The following UNC79 variants were observed in gnomAD, a reference collection of about 807,000 sequenced individuals.
UNC79 encodes protein unc-79 homolog.
A neutral mutation model predicts 283.1 loss-of-function variants in UNC79; 37 were observed. That is an observed-to-expected ratio of 0.13 (90% CI 0.10 to 0.17). UNC79 has a LOEUF of 0.17. Among genes scored for constraint, UNC79 ranks in the 10% least tolerant of loss-of-function variants. The pLI is 1.00. For missense variants in UNC79, 2,272 were observed against 3,211.1 expected (o/e 0.71, Z 7.07); for synonymous variants, 1,107 against 1,200.2 (o/e 0.92, Z 1.61).
At chr14:93,664,381 T>C (rs1372826394) in intron 40 of UNC79, among the ~76,000 whole-genome samples, 1 of 152,108 alleles carries the variant, frequency 6.6e-6, no homozygotes, top group Non-Finnish European at 1.5e-5. Context: ...GGGGCAAAAA[T>C]GAAGCGGGAT....
At position 93,474,200 on chromosome 14, in the gene UNC79, G is replaced by A. The variant is rs973599385; in HGVS notation, c.255G>A (p.Pro85=). Reference sequence around the variant, plus strand: ...TCCCACTCACCCCATCTCTAAGACCGCAGGTCAGTTCCATCAACCCTACTG... The same window carrying A: ...TCCCACTCACCCCATCTCTAAGACCACAGGTCAGTTCCATCAACCCTACTG... Residue 85 remains proline (P), a synonymous_variant, in exon 3 of 49, where the codon CCG becomes CCA. Transcript: ENST00000555664. This position sits in a 1 kb window ranked among gnomAD's most constrained non-coding sequence, Gnocchi z 4.1. 50 of 1,535,960 alleles carry A rather than the reference G, an allele frequency of 3.3e-5. No individual in the cohort carries two copies. In the East Asian group the frequency reaches 4.4e-4, roughly 14 times the overall value.
chr14:93,432,438 A>T (rs2055916399), intron 1 of UNC79, among the ~76,000 whole-genome samples: 3 of 152,136 alleles, frequency 2.0e-5, no homozygotes, highest in Admixed American at 6.5e-5. Context: ...AATCATGCTG[A>T]TGGGGTTGTT....
chr14:93,503,566 T>C (rs2059396019), intron 7 of UNC79, among the ~76,000 whole-genome samples: 3 of 152,088 alleles, frequency 2.0e-5, no homozygotes, highest in South Asian at 2.1e-4. Context: ...TGGTTATTAT[T>C]TGTTTTGATG....
chr14:93,574,458 A>G (rs552648124), intron 16 of UNC79, among the ~76,000 whole-genome samples: 3 of 152,368 alleles, frequency 2.0e-5, no homozygotes, highest in African/African-American at 7.2e-5. Context: ...CTTTCTGCGT[A>G]CTTCCTTTCT....
chr14:93,492,934 G>A (rs1417284547), intron 5 of UNC79, among the ~76,000 whole-genome samples: 1 of 152,182 alleles, frequency 6.6e-6, no homozygotes, highest in Non-Finnish European at 1.5e-5. Context: ...GGGGCTCCAT[G>A]GTTAGTGACA....
At chr14:93,702,612 G>A (rs539235664) in intron 47 of UNC79, among the ~76,000 whole-genome samples, 26 of 152,256 alleles carry the variant, frequency 1.7e-4, no homozygotes, top group Non-Finnish European at 3.2e-4. Context: ...GCAGCTTATG[G>A]CTATGACTAA....
At chr14:93,651,124 T>C (rs1362018845) in intron 35 of UNC79, among the ~76,000 whole-genome samples, 1 of 152,220 alleles carries the variant, frequency 6.6e-6, no homozygotes, top group East Asian at 1.9e-4. Flanking sequence ...CTCTATTCTG[T>C]TCCATTGATC....
intron 33 of UNC79, among the ~76,000 whole-genome samples, chr14:93,642,264 A>C (rs1240094464): frequency 6.6e-6 from 1 of 151,844 alleles, no homozygotes; most frequent in Non-Finnish European, 1.5e-5. Context: ...CTCTACTAAA[A>C]ATACAAAAAA....
intron 12 of UNC79, among the ~76,000 whole-genome samples, chr14:93,538,727 C>A (rs533687056): frequency 6.7e-6 from 1 of 149,098 alleles, no homozygotes; most frequent in African/African-American, 2.5e-5. Flanking sequence ...GGATAAACCA[C>A]GACCCTGTGT....
intron 1 of UNC79, among the ~76,000 whole-genome samples, chr14:93,386,029 G>T (rs1391271581): frequency 1.4e-4 from 21 of 152,112 alleles, no homozygotes; most frequent in Admixed American, 1.4e-3. Flanking sequence ...AGTGATGACA[G>T]TGGGCATCCT....
chr14:93,451,720 C>A (rs974030438), intron 1 of UNC79, among the ~76,000 whole-genome samples: 4 of 152,192 alleles, frequency 2.6e-5, no homozygotes, highest in African/African-American at 9.7e-5. Context: ...CTGCCCCTTA[C>A]CTCCTGTTCC....
chr14:93,651,889 C>T (rs900992858), intron 35 of UNC79, among the ~76,000 whole-genome samples: 4 of 150,156 alleles, frequency 2.7e-5, no homozygotes, highest in Non-Finnish European at 5.9e-5. Context: ...ATAGCATGCA[C>T]CACCATACCT....
At chr14:93,683,551 G>T in intron 42 of UNC79, among the ~76,000 whole-genome samples, 1 of 152,072 alleles carries the variant, frequency 6.6e-6, no homozygotes. Flanking sequence ...CTGCATGCTC[G>T]CTGTTTCCTT....
At chr14:93,377,265 T>C (rs1698695861) in intron 1 of UNC79, among the ~76,000 whole-genome samples, 1 of 151,936 alleles carries the variant, frequency 6.6e-6, no homozygotes, top group Non-Finnish European at 1.5e-5. Context: ...AATTTTTGTT[T>C]TTGCATTTTT....
At chr14:93,354,192 G>T (rs2054037047) in intron 1 of UNC79, among the ~76,000 whole-genome samples, 1 of 152,182 alleles carries the variant, frequency 6.6e-6, no homozygotes, top group Non-Finnish European at 1.5e-5. Flanking sequence ...TAAGGGTTTT[G>T]AGTGAGAAGG....
intron 2 of UNC79, among the ~76,000 whole-genome samples, chr14:93,472,486 TAA>T (rs2057562423): frequency 1.3e-5 from 2 of 151,864 alleles, no homozygotes; most frequent in Non-Finnish European, 2.9e-5. Flanking sequence ...AAAAAAATCT[TAA>T]GTTATTTATT....
intron 4 of UNC79, among the ~76,000 whole-genome samples, chr14:93,478,142 T>C (rs1291920324): frequency 6.6e-6 from 1 of 152,158 alleles, no homozygotes; most frequent in Non-Finnish European, 1.5e-5. Flanking sequence ...TAAATTCTGG[T>C]CCCAGCTCTG....
intron 41 of UNC79, among the ~76,000 whole-genome samples, chr14:93,675,051 C>T (rs1388065732): frequency 6.6e-6 from 1 of 152,180 alleles, no homozygotes; most frequent in African/African-American, 2.4e-5. Context: ...TGCTGAAACT[C>T]CGCTTTTCTG....
chr14:93,512,154 T>C (rs1260186444), intron 7 of UNC79, among the ~76,000 whole-genome samples: 1 of 152,186 alleles, frequency 6.6e-6, no homozygotes, highest in East Asian at 1.9e-4. Context: ...CCTTTTTGTT[T>C]TGATATCTAT....
Sources: allele counts gnomAD v4.1 joint callset (sites outside exome capture counted in the v4.1 genomes callset), GRCh38; gene constraint gnomAD v4.1.1; non-coding constraint Gnocchi (gnomAD v3.1); transcripts MANE v1.5; gene names NCBI Gene and HGNC (gene_info 2026-07-23, HGNC 2026-07-21).